The following GRHL2 variants were observed in gnomAD, a reference collection of about 807,000 sequenced individuals.
GRHL2 encodes grainyhead like transcription factor 2.
GRHL2 carries 21 observed loss-of-function variants against 83.8 expected under a neutral mutation model. That is an observed-to-expected ratio of 0.25 (90% CI 0.18 to 0.36). The LOEUF is 0.36. Ranked by LOEUF, GRHL2 falls within the 10% of genes least tolerant of loss-of-function variation. The probability of loss-of-function intolerance (pLI) is 1.00; values close to 1 mark genes in which losing one functional copy is unlikely to be tolerated. For synonymous variants in GRHL2, 280 were observed against 278.9 expected (o/e 1.00, Z -0.04); for missense variants, 623 against 781.8 (o/e 0.80, Z 2.42).
intron 7 of GRHL2, among the ~76,000 whole-genome samples, chr8:101,580,925 G>A (rs1362255026): frequency 3.3e-5 from 5 of 151,450 alleles, no homozygotes; most frequent in East Asian, 2.0e-4. Flanking sequence ...GGATGGTCTC[G>A]ATCTCCTGAC....
intron 1 of GRHL2, among the ~76,000 whole-genome samples, chr8:101,500,435 G>T (rs1215643832): frequency 6.6e-6 from 1 of 152,150 alleles, no homozygotes; most frequent in Non-Finnish European, 1.5e-5. Context: ...ATTACCAGGA[G>T]AGCACATTTT....
intron 1 of GRHL2, among the ~76,000 whole-genome samples, chr8:101,514,973 T>A (rs891880249): frequency 5.3e-5 from 8 of 151,380 alleles, no homozygotes; most frequent in African/African-American, 1.9e-4. Context: ...TTCCCTTCCT[T>A]TTCTTCTTTC....
downstream of GRHL2, among the ~76,000 whole-genome samples, chr8:101,672,389 G>A (rs539248411): frequency 2.8e-4 from 43 of 151,866 alleles, no homozygotes; most frequent in Non-Finnish European, 4.9e-4. Context: ...GCCAAGGCTC[G>A]AGAACTACGT....
chr8:101,574,614 C>T (rs1182484542), intron 6 of GRHL2, among the ~76,000 whole-genome samples: 5 of 152,354 alleles, frequency 3.3e-5, no homozygotes, highest in Non-Finnish European at 5.9e-5. Flanking sequence ...GAAGGGGGCA[C>T]ATGGTGTGCC....
At chr8:101,673,600 G>T (rs1050738366), downstream of GRHL2, among the ~76,000 whole-genome samples, 3 of 150,682 alleles carry the variant, frequency 2.0e-5, no homozygotes, top group East Asian at 5.8e-4. Flanking sequence ...AAGAGACTTC[G>T]ACTCCCACAC....
intron 8 of GRHL2, among the ~76,000 whole-genome samples, chr8:101,605,696 A>G (rs933816464): frequency 4.6e-5 from 7 of 152,144 alleles, no homozygotes; most frequent in Non-Finnish European, 8.8e-5. Flanking sequence ...CGTGCATATC[A>G]TTGACCGGAA....
chr8:101,643,122 A>G (rs1287624194), intron 12 of GRHL2, among the ~76,000 whole-genome samples: 2 of 152,092 alleles, frequency 1.3e-5, no homozygotes, highest in Admixed American at 1.3e-4. Flanking sequence ...GAAATCTCAA[A>G]AGATCAAAAG....
At chr8:101,525,499 T>C (rs1037570468) in intron 1 of GRHL2, among the ~76,000 whole-genome samples, 3 of 152,180 alleles carry the variant, frequency 2.0e-5, no homozygotes, top group Non-Finnish European at 4.4e-5. Flanking sequence ...CATATTGTTT[T>C]ATTTCATTAT....
chr8:101,596,703 AAGGT>A (rs978993105), intron 7 of GRHL2, among the ~76,000 whole-genome samples: 22 of 152,344 alleles, frequency 1.4e-4, no homozygotes, highest in African/African-American at 5.1e-4. Flanking sequence ...ATTTTTGAGA[AAGGT>A]AGGCAGAGAG....
rs386728287 is a variant in GRHL2 at position 101,567,848 on chromosome 8, GGCT to G, written c.679-2488_679-2486del. On this transcript the variant is annotated intron_variant, in intron 4 of 15. Coordinates refer to ENST00000646743, the MANE Select transcript of GRHL2 (RefSeq NM_024915.4). ...GCTTTAGGAGGTTAGCCTATCCTCA[GGCT>G]GCAGAAATCTATGGCATGGATGGTA... Among the ~76,000 whole-genome samples the G allele has an allele frequency of 2.4e-3, 370 of 152,288 alleles. 5 individuals are homozygous for G. The highest frequency in any genetic ancestry group is 8.3e-3 in the African/African-American group (344 of 41,546).
intron 14 of GRHL2, among the ~76,000 whole-genome samples, chr8:101,650,032 A>G (rs1456202057): frequency 2.6e-5 from 4 of 152,212 alleles, no homozygotes; most frequent in Admixed American, 6.5e-5. Context: ...TCACCTGAAT[A>G]TAACCTCACT....
chr8:101,530,346 A>G (rs1810898161), intron 1 of GRHL2, among the ~76,000 whole-genome samples: 1 of 152,194 alleles, frequency 6.6e-6, no homozygotes, highest in Admixed American at 6.5e-5. Context: ...CAGGCTTGTA[A>G]AGTGCTTTTG....
intron 1 of GRHL2, among the ~76,000 whole-genome samples, chr8:101,517,374 G>T (rs78478479): frequency 0.042 from 6,346 of 152,158 alleles, 435 homozygotes; most frequent in African/African-American, 0.14. Context: ...CTTCCACTCA[G>T]CCTAACCCCT....
At chr8:101,654,765 C>T (rs1434931910) in intron 14 of GRHL2, among the ~76,000 whole-genome samples, 2 of 152,126 alleles carry the variant, frequency 1.3e-5, no homozygotes, top group Admixed American at 6.5e-5. Flanking sequence ...CAAGGGTTTC[C>T]TGGAGTCTGT....
intron 4 of GRHL2, among the ~76,000 whole-genome samples, chr8:101,562,908 A>G (rs1192169673): frequency 6.6e-6 from 1 of 152,240 alleles, no homozygotes; most frequent in Non-Finnish European, 1.5e-5. Context: ...AAGTGAGTGT[A>G]GTGGCAGCAT....
intron 1 of GRHL2, among the ~76,000 whole-genome samples, chr8:101,519,126 T>G (rs1462865043): frequency 6.6e-6 from 1 of 152,158 alleles, no homozygotes; most frequent in Non-Finnish European, 1.5e-5. Flanking sequence ...ACCTGAAATC[T>G]CTACTCATTT....
rs1305880351 is a variant in GRHL2, at chr8:101,492,672, G to C, written c.-98G>C. On this transcript the variant is annotated 5_prime_UTR_variant, in exon 1 of 16. Coordinates refer to ENST00000646743, the MANE Select transcript of GRHL2 (RefSeq NM_024915.4). Reference sequence around the variant, plus strand: ...CCTGTAGCTCTTGTTCTGCCATCTCGGGCGCTCTCACACACCTTCACCTGC... The same window carrying C: ...CCTGTAGCTCTTGTTCTGCCATCTCCGGCGCTCTCACACACCTTCACCTGC... 1.0e-5 allele frequency: 10 copies of C among 962,456 alleles called. No homozygotes were observed. The East Asian group carries it at 1.2e-4, about 11-fold the overall frequency. The allele number at this position is 962,456 out of a possible 1,614,324, so 59.6% of individuals were successfully genotyped here.
rs771441896 is a variant in GRHL2 at position 101,636,918 on chromosome 8, G to A, written c.1507G>A (p.Glu503Lys). ...TGQVYYNTDD[E>K]REGGSVLVKR... ...ACAGGTGTATTACAACACGGATGAT[G>A]AACGAGAAGGGTAAGACACTCAGTT... Residue 503 changes from glutamate (E) to lysine (K), a missense_variant, in exon 12 of 16, where the codon GAA (glutamate) becomes AAA (lysine). Physicochemically the swap from Glu to Lys is moderately conservative, Grantham distance 56. Coordinates refer to ENST00000646743, the MANE Select transcript of GRHL2 (RefSeq NM_024915.4). 2 of 1,613,584 alleles carry A rather than the reference G, an allele frequency of 1.2e-6. No individual in the cohort carries two copies. Among genetic ancestry groups the A allele is most frequent in the Non-Finnish European group, 1.7e-6 (2 of 1,179,648 alleles).
intron 1 of GRHL2, among the ~76,000 whole-genome samples, chr8:101,499,910 T>C (rs1195301013): frequency 6.6e-6 from 1 of 152,040 alleles, no homozygotes; most frequent in Admixed American, 6.6e-5. Context: ...ACCCCGTCTT[T>C]AGTAATAACA....
Sources: gnomAD v4.1 joint callset for allele counts (sites outside exome capture counted in the v4.1 genomes callset) on GRCh38, gnomAD v4.1.1 for gene constraint, MANE v1.5 for transcripts, NCBI Gene and HGNC (gene_info 2026-07-23, HGNC 2026-07-21) for gene names.